The following PTPRN2 variants were observed in gnomAD, a reference collection of about 807,000 sequenced individuals.
The protein encoded by PTPRN2 is receptor-type tyrosine-protein phosphatase N2.
In PTPRN2, 74 loss-of-function variants were observed where a neutral mutation model predicts 118.8. The observed-to-expected ratio is 0.62, with a 90% CI of 0.52 to 0.76. The LOEUF is 0.76. PTPRN2 is among the 30% of genes least tolerant of loss of function. PTPRN2 has a pLI of 0.00. For missense variants in PTPRN2, 1,481 were observed against 1,394.4 expected (o/e 1.06, Z -0.99); for synonymous variants, 641 against 608.0 (o/e 1.05, Z -0.80).
At chr7:158,019,330 G>T (rs1180493078) in intron 11 of PTPRN2, among the ~76,000 whole-genome samples, 1 of 152,258 alleles carries the variant, frequency 6.6e-6, no homozygotes, top group Non-Finnish European at 1.5e-5. Context: ...AAATCAATCG[G>T]CATGTAATTA....
chr7:158,569,079 A>G (rs1246324380), intron 1 of PTPRN2, among the ~76,000 whole-genome samples: 1 of 152,220 alleles, frequency 6.6e-6, no homozygotes. Flanking sequence ...GTGAGCTGTG[A>G]CTATTTGGCT....
chr7:158,253,809 G>A (rs547724543), intron 3 of PTPRN2, among the ~76,000 whole-genome samples: 1 of 152,180 alleles, frequency 6.6e-6, no homozygotes, highest in African/African-American at 2.4e-5. Context: ...AAGTCGAGCT[G>A]GGCAACAGAT....
At position 157,944,994 on chromosome 7, in the gene PTPRN2, G is replaced by T. The variant is rs1204339695; in HGVS notation, c.1724-46257C>A. On this transcript the variant is annotated intron_variant, in intron 11 of 22. Coordinates refer to ENST00000389418, the MANE Select transcript of PTPRN2 (RefSeq NM_002847.5). This position sits in a 1 kb window ranked among gnomAD's most constrained non-coding sequence, Gnocchi z 4.3. ...GCTCCCAGTGCTGTGACCCCACCAT[G>T]ATCGCTCATCTGCTCCAGCTGGAGC... is the stretch of plus-strand genomic sequence containing the variant. 1.3e-5 allele frequency among the ~76,000 whole-genome samples: 2 copies of T among 152,210 alleles called. No individual in the cohort carries two copies. The highest frequency in any genetic ancestry group is 2.9e-5 in the Non-Finnish European group (2 of 68,036).
At chr7:158,177,446 A>T (rs1824314229) in intron 5 of PTPRN2, among the ~76,000 whole-genome samples, 1 of 152,118 alleles carries the variant, frequency 6.6e-6, no homozygotes, top group Non-Finnish European at 1.5e-5. Flanking sequence ...CACTACTGAG[A>T]TATAATTGAC....
intron 12 of PTPRN2, among the ~76,000 whole-genome samples, chr7:157,834,276 C>A (rs1807785104): frequency 7.3e-6 from 1 of 136,574 alleles, no homozygotes. Context: ...AGTGAGCCAG[C>A]AGCACTCCCT....
chr7:158,517,912 C>T lies in PTPRN2; in HGVS notation c.113-28127G>A, dbSNP rs974241498. On this transcript the variant is annotated intron_variant, in intron 1 of 22. Transcript: ENST00000389418. The surrounding 1 kb of genome is among the most constrained non-coding windows in gnomAD (Gnocchi z 5.3). ...AAACCTTCCCTCCCCCCCAGTCTGA[C>T]TAGAGTCCACTCATTTTTCAGGTAC... Among the ~76,000 whole-genome samples, 5 of 152,224 alleles carry T rather than the reference C, an allele frequency of 3.3e-5. No individual in the cohort carries two copies. Among genetic ancestry groups the T allele is most frequent in the Admixed American group, 2.6e-4 (4 of 15,284 alleles).
In PTPRN2 at chr7:158,205,292, A is replaced by C; in HGVS notation, c.278-19T>G. The C allele has an allele frequency of 6.3e-7, 1 of 1,578,776 alleles. No homozygotes were observed. Among genetic ancestry groups the C allele is most frequent in the Non-Finnish European group, 8.7e-7 (1 of 1,148,856 alleles). On this transcript the variant is annotated intron_variant, in intron 3 of 22. Transcript: ENST00000389418. ...GTGAAACCTGTGGACAAAAATTGCA[A>C]AAATTATGTCATCATTTTGGAAATT...
rs149503859 is a variant in PTPRN2, at chr7:157,779,138, C to G, written c.1789-96201G>C. 6.6e-6 allele frequency among the ~76,000 whole-genome samples: 1 copy of G among 152,308 alleles called. No homozygotes were observed. Among genetic ancestry groups the G allele is most frequent in the Non-Finnish European group, 1.5e-5 (1 of 68,022 alleles). ...TAGAAGCAAAACCTGACTTAGGTCACCAGGTGCAGGCCTTACATATAGAGG... is the reference window on the plus strand; with the variant it reads ...TAGAAGCAAAACCTGACTTAGGTCAGCAGGTGCAGGCCTTACATATAGAGG... On this transcript the variant is annotated intron_variant, in intron 12 of 22. Transcript: ENST00000389418. The surrounding 1 kb of genome is among the most constrained non-coding windows in gnomAD (Gnocchi z 4.7).
At chr7:157,765,142 T>C (rs1802374273) in intron 12 of PTPRN2, among the ~76,000 whole-genome samples, 1 of 146,390 alleles carries the variant, frequency 6.8e-6, no homozygotes, top group African/African-American at 2.6e-5. Context: ...CATCCATCCT[T>C]CATCCATCCA....
chr7:158,433,194 T>G (rs746791853), intron 2 of PTPRN2, among the ~76,000 whole-genome samples: 4 of 152,280 alleles, frequency 2.6e-5, no homozygotes, highest in Non-Finnish European at 5.9e-5. Context: ...TACATTCCCC[T>G]GTGCATAGAC....
At chr7:158,085,302 T>C (rs1813237576) in intron 10 of PTPRN2, among the ~76,000 whole-genome samples, 1 of 98,962 alleles carries the variant, frequency 1.0e-5, no homozygotes, top group Non-Finnish European at 1.9e-5. Flanking sequence ...ACGACGCCCA[T>C]CCACACCCAC....
chr7:157,600,953 GT>G (rs796068089), intron 16 of PTPRN2, among the ~76,000 whole-genome samples: 4 of 152,226 alleles, frequency 2.6e-5, no homozygotes, highest in African/African-American at 9.6e-5. Context: ...TTTAAATGAT[GT>G]TTTTTTCTCC....
chr7:158,138,850 A>G (rs1263007620), intron 6 of PTPRN2, among the ~76,000 whole-genome samples: 1 of 152,100 alleles, frequency 6.6e-6, no homozygotes, highest in African/African-American at 2.4e-5. Flanking sequence ...AGGCAACTTC[A>G]CCATGTCCTC....
chr7:158,585,849 G>A (rs761481879), intron 1 of PTPRN2, among the ~76,000 whole-genome samples: 24 of 152,156 alleles, frequency 1.6e-4, no homozygotes, highest in Admixed American at 2.0e-4. Flanking sequence ...GGCGGCACCT[G>A]GCCTCAGAGC....
At chr7:157,920,938 A>C (rs1301103438) in intron 11 of PTPRN2, among the ~76,000 whole-genome samples, 1 of 152,194 alleles carries the variant, frequency 6.6e-6, no homozygotes, top group East Asian at 1.9e-4. Flanking sequence ...TAAAAACTGA[A>C]TATATTATTA....
chr7:158,139,756 C>T lies in PTPRN2; in HGVS notation c.911-1241G>A, dbSNP rs184225070. On this transcript the variant is annotated intron_variant, in intron 6 of 22. Transcript: ENST00000389418. Reference sequence around the variant, plus strand: ...TCCCAGGAGCGCAGAGGCCGCCAGACACCCTGCATGTCCTGTAAGAACAAC... The same window carrying T: ...TCCCAGGAGCGCAGAGGCCGCCAGATACCCTGCATGTCCTGTAAGAACAAC... Among the ~76,000 whole-genome samples, 18 of 152,328 alleles carry T rather than the reference C, an allele frequency of 1.2e-4. No homozygotes were observed. The East Asian group carries it at 2.9e-3, about 25-fold the overall frequency.
At chr7:158,476,716 A>C (rs538300890) in intron 2 of PTPRN2, among the ~76,000 whole-genome samples, 1 of 152,362 alleles carries the variant, frequency 6.6e-6, no homozygotes, top group East Asian at 1.9e-4. Context: ...TTCCTCTAAA[A>C]CGAGGGCGTC....
chr7:157,947,000 C>T (rs1217959288), intron 11 of PTPRN2, among the ~76,000 whole-genome samples: 2 of 152,198 alleles, frequency 1.3e-5, no homozygotes, highest in Non-Finnish European at 2.9e-5. Context: ...TCCTGAGCAG[C>T]CCTGGCCTGC....
intron 11 of PTPRN2, among the ~76,000 whole-genome samples, chr7:157,908,119 G>A (rs1312706899): frequency 1.3e-5 from 2 of 152,188 alleles, no homozygotes; most frequent in East Asian, 1.9e-4. Context: ...CGGCGTCTCC[G>A]CGTGGCCAGG....
Sources: gnomAD v4.1 joint callset for allele counts (sites outside exome capture counted in the v4.1 genomes callset) on GRCh38, gnomAD v4.1.1 for gene constraint, Gnocchi (gnomAD v3.1) non-coding constraint, MANE v1.5 for transcripts, NCBI Gene and HGNC (gene_info 2026-07-23, HGNC 2026-07-21) for gene names.